Variants in SYN3 observed in about 807,000 individuals in gnomAD.
SYN3 encodes synapsin III, also known as synapsin-3.
In SYN3, 35 loss-of-function variants were observed where a neutral mutation model predicts 65.8. The observed-to-expected ratio is 0.53, with a 90% CI of 0.41 to 0.70. SYN3 has a LOEUF of 0.70. Among genes scored for constraint, SYN3 ranks in the 30% least tolerant of loss-of-function variants. SYN3 has a pLI of 0.00. For synonymous variants in SYN3, 270 were observed against 292.9 expected (o/e 0.92, Z 0.80); for missense variants, 680 against 749.0 (o/e 0.91, Z 1.08).
intron 4 of SYN3, among the ~76,000 whole-genome samples, chr22:32,928,702 G>T (rs1186156587): frequency 4.6e-5 from 7 of 152,014 alleles, no homozygotes; most frequent in Non-Finnish European, 8.8e-5. Context: ...GCTTTCGGTG[G>T]TTTGGTATCT....
chr22:32,544,173 A>G (rs562590914), intron 7 of SYN3, among the ~76,000 whole-genome samples: 1 of 152,258 alleles, frequency 6.6e-6, no homozygotes, highest in East Asian at 1.9e-4. Context: ...CCTTGGTTCA[A>G]GCGATCTTTC....
chr22:32,953,358 T>C (rs899517767), intron 3 of SYN3, among the ~76,000 whole-genome samples: 1 of 152,100 alleles, frequency 6.6e-6, no homozygotes, highest in Non-Finnish European at 1.5e-5. Flanking sequence ...TATATTCTAG[T>C]GCAGACCATT....
chr22:32,570,036 GAA>G (rs896783842), intron 7 of SYN3, among the ~76,000 whole-genome samples: 31 of 152,340 alleles, frequency 2.0e-4, no homozygotes, highest in African/African-American at 7.0e-4. Flanking sequence ...CCAGTCCTCT[GAA>G]AAGTGTTTTT....
chr22:33,024,050 C>T (rs1260405717), intron 1 of SYN3, among the ~76,000 whole-genome samples: 1 of 152,146 alleles, frequency 6.6e-6, no homozygotes, highest in Non-Finnish European at 1.5e-5. Context: ...GCAAGGAAGG[C>T]ACTCTCTCAA....
intron 6 of SYN3, among the ~76,000 whole-genome samples, chr22:32,702,427 G>T (rs944851404): frequency 6.6e-6 from 1 of 152,154 alleles, no homozygotes; most frequent in Non-Finnish European, 1.5e-5. Flanking sequence ...GCAGTGAGCC[G>T]AGATCGCACT....
intron 6 of SYN3, among the ~76,000 whole-genome samples, chr22:32,765,740 C>T (rs560617874): frequency 3.2e-4 from 48 of 152,158 alleles, no homozygotes; most frequent in African/African-American, 9.4e-4. Context: ...ACTGTGCACC[C>T]CTTTGCACAG....
intron 1 of SYN3, among the ~76,000 whole-genome samples, chr22:33,039,565 T>C (rs1313260003): frequency 6.6e-6 from 1 of 152,044 alleles, no homozygotes; most frequent in African/African-American, 2.4e-5. Context: ...CGGCTAATTT[T>C]TTGTATTTTT....
In SYN3 at chr22:32,527,933, G is replaced by C; in HGVS notation, c.1303C>G (p.Arg435Gly). The change falls in exon 12 of 14, where the codon CGC becomes GGC. Residue 435 changes from arginine to glycine, a missense_variant. Transcript: ENST00000358763. ...TGGGTCATACCTTGCGGAGGTGGGC[G>C]TGGCTGGGGCTGGCCTAGCTGAGGC... ...LGPQLGQPQPRPPPQGGPRQA... is the reference protein window; with the variant it reads ...LGPQLGQPQPGPPPQGGPRQA... 6.3e-7 allele frequency: 1 copy of C among 1,589,114 alleles called. No individual in the cohort carries two copies. Among genetic ancestry groups the C allele is most frequent in the Non-Finnish European group, 8.6e-7 (1 of 1,166,524 alleles).
chr22:32,917,110 T>G (rs2050206351), intron 4 of SYN3, among the ~76,000 whole-genome samples: 1 of 152,176 alleles, frequency 6.6e-6, no homozygotes. Context: ...CACTAACAAT[T>G]GAAAGACTTC....
intron 7 of SYN3, among the ~76,000 whole-genome samples, chr22:32,589,747 T>A (rs1212722638): frequency 1.3e-5 from 2 of 152,174 alleles, no homozygotes; most frequent in Non-Finnish European, 2.9e-5. Context: ...TAATCCTCCA[T>A]GTTTCTGAAG....
chr22:33,015,314 TA>T, intron 1 of SYN3: 1 of 681,000 alleles, frequency 1.5e-6, no homozygotes, highest in Non-Finnish European at 2.3e-6. Context: ...ACATTTTCCT[TA>T]AAAACAAAGA....
intron 3 of SYN3, among the ~76,000 whole-genome samples, chr22:32,965,819 C>G (rs189882565): frequency 6.6e-6 from 1 of 152,018 alleles, no homozygotes; most frequent in Non-Finnish European, 1.5e-5. Flanking sequence ...CTCAGCCTCC[C>G]GAGTAGCTGG....
At chr22:32,824,843 C>T (rs1404435014) in intron 6 of SYN3, among the ~76,000 whole-genome samples, 1 of 152,166 alleles carries the variant, frequency 6.6e-6, no homozygotes, top group Non-Finnish European at 1.5e-5. Context: ...GAGATGCTCC[C>T]TACTCTTGCA....
chr22:32,742,617 G>A (rs537385180), intron 6 of SYN3, among the ~76,000 whole-genome samples: 1 of 152,316 alleles, frequency 6.6e-6, no homozygotes, highest in Admixed American at 6.5e-5. Flanking sequence ...GAGTAGAAAA[G>A]CAATTCAGCC....
chr22:32,955,094 C>A (rs1352281679), intron 3 of SYN3, among the ~76,000 whole-genome samples: 1 of 152,028 alleles, frequency 6.6e-6, no homozygotes, highest in Non-Finnish European at 1.5e-5. Context: ...CCCTGTATCT[C>A]ATTTACCCTC....
At position 33,006,598 on chromosome 22, in the gene SYN3, A is replaced by T. The variant is rs1569399495; in HGVS notation, c.65T>A (p.Met22Lys). The change falls in exon 2 of 14, where the codon ATG becomes AAG. Residue 22 changes from methionine (M) to lysine (K), a missense_variant. Transcript: ENST00000358763. The part of the protein sequence containing the change: ...SFMANLPNGY[M>K]TDLQRPDSST... ...GCTATCTGGGCGTTGCAGGTCCGTC[A>T]TATAGCCATTAGGCAGGTTGGCCAT... The T allele has an allele frequency of 6.2e-7, 1 of 1,612,676 alleles. No individual in the cohort carries two copies. The highest frequency in any genetic ancestry group is 1.3e-5 in the African/African-American group (1 of 74,906).
chr22:32,604,083 A>C (rs7364201), intron 6 of SYN3, among the ~76,000 whole-genome samples: 4 of 152,124 alleles, frequency 2.6e-5, no homozygotes, highest in Non-Finnish European at 5.9e-5. Context: ...CTCAATCCAC[A>C]GAGTCAGAGA....
chr22:33,053,973 C>CA (rs1472863992), intron 1 of SYN3, among the ~76,000 whole-genome samples: 1 of 152,112 alleles, frequency 6.6e-6, no homozygotes, highest in Admixed American at 6.6e-5. Context: ...ATGGGAAAGA[C>CA]AAAGGATTGG....
intron 6 of SYN3, among the ~76,000 whole-genome samples, chr22:32,798,778 G>A (rs2046490472): frequency 7.5e-6 from 1 of 133,046 alleles, no homozygotes; most frequent in South Asian, 2.5e-4. Flanking sequence ...TGCAAGCTCC[G>A]CCTCCCAGGT....
Sources: gnomAD v4.1 joint callset for allele counts (sites outside exome capture counted in the v4.1 genomes callset) on GRCh38, gnomAD v4.1.1 for gene constraint, MANE v1.5 for transcripts, NCBI Gene and HGNC (gene_info 2026-07-23, HGNC 2026-07-21) for gene names.